The following PDE4D variants were observed in gnomAD, a reference collection of about 807,000 sequenced individuals.
PDE4D encodes the protein phosphodiesterase 4D, also known as 3',5'-cyclic-AMP phosphodiesterase 4D.
A neutral mutation model predicts 87.4 loss-of-function variants in PDE4D; 24 were observed. The observed-to-expected ratio is 0.27, with a 90% CI of 0.20 to 0.39. The LOEUF is 0.39. Ranked by LOEUF, PDE4D falls within the 10% of genes least tolerant of loss-of-function variation. The probability of loss-of-function intolerance (pLI) is 1.00; values close to 1 mark genes in which losing one functional copy is unlikely to be tolerated. For missense variants in PDE4D, 714 were observed against 1,041.0 expected (o/e 0.69, Z 4.32); for synonymous variants, 384 against 383.2 (o/e 1.00, Z -0.02).
intron 1 of PDE4D, among the ~76,000 whole-genome samples, chr5:59,502,710 GTAGTT>G (rs1582889477): frequency 1.7e-5 from 2 of 117,248 alleles, no homozygotes; most frequent in East Asian, 2.7e-4. Context: ...GTGTGTGTGT[GTAGTT>G]TGTTTTATCT....
At chr5:60,480,649 C>T (rs761906113) in intron 1 of PDE4D, among the ~76,000 whole-genome samples, 12 of 152,080 alleles carry the variant, frequency 7.9e-5, no homozygotes, top group Non-Finnish European at 1.3e-4. Context: ...ACTTTTGCAC[C>T]AACCTTTTGC....
intron 1 of PDE4D, among the ~76,000 whole-genome samples, chr5:59,281,573 AT>A (rs773490033): frequency 1.1e-4 from 16 of 152,172 alleles, no homozygotes; most frequent in Non-Finnish European, 1.9e-4. Context: ...ATCACGTAAA[AT>A]TGACATTTTA....
chr5:59,231,354 T>G (rs1755144995), intron 1 of PDE4D, among the ~76,000 whole-genome samples: 1 of 152,180 alleles, frequency 6.6e-6, no homozygotes, highest in East Asian at 1.9e-4. Context: ...GCAATTAGAT[T>G]TGGCCAAGTG....
In PDE4D at chr5:60,271,006, C is replaced by G. The variant is rs144671423; in HGVS notation, c.-89-85319G>C. Among the ~76,000 whole-genome samples, 351 of 152,256 alleles carry G rather than the reference C, an allele frequency of 2.3e-3. 2 individuals are homozygous for G. The highest frequency in any genetic ancestry group is 7.8e-3 in the African/African-American group (324 of 41,558). On this transcript the variant is annotated intron_variant, in intron 1 of 16. Coordinates refer to the PDE4D transcript ENST00000502484. ...AAAGATGCAGATAGTGGCCATCTAG[C>G]AGAGAGGAAGTTGATGTTCTCTTCA... is the stretch of plus-strand genomic sequence containing the variant.
intron 8 of PDE4D, among the ~76,000 whole-genome samples, 162 bp downstream of exon 8, chr5:58,991,670 C>G (rs1747946855): frequency 6.6e-6 from 1 of 151,160 alleles, no homozygotes; most frequent in Non-Finnish European, 1.5e-5. Flanking sequence ...CTGTCTAAGG[C>G]ACTTTAAAAG....
At chr5:59,404,915 A>G (rs1791356382) in intron 1 of PDE4D, among the ~76,000 whole-genome samples, 1 of 152,078 alleles carries the variant, frequency 6.6e-6, no homozygotes, top group South Asian at 2.1e-4. Context: ...GTCAAAAATG[A>G]GTTCACTGTA....
intron 1 of PDE4D, among the ~76,000 whole-genome samples, chr5:59,426,340 C>T (rs1283739979): frequency 6.6e-6 from 1 of 152,162 alleles, no homozygotes; most frequent in Non-Finnish European, 1.5e-5. Flanking sequence ...AGTGCATGAC[C>T]TTGTGATCGT....
intron 2 of PDE4D, chr5:60,022,803 C>A (rs145651938): frequency 6.6e-6 from 1 of 152,446 alleles, no homozygotes; most frequent in East Asian, 1.9e-4. Flanking sequence ...TTCTTAGGCT[C>A]CTCTTGTGTC....
At chr5:60,090,587 A>G (rs1160956317) in intron 2 of PDE4D, among the ~76,000 whole-genome samples, 1 of 152,202 alleles carries the variant, frequency 6.6e-6, no homozygotes, top group Non-Finnish European at 1.5e-5. Flanking sequence ...GAATGGGGAA[A>G]AATGGAAATT....
intron 1 of PDE4D, among the ~76,000 whole-genome samples, chr5:59,220,336 TCACTG>T (rs1392863830): frequency 1.2e-4 from 15 of 122,574 alleles, no homozygotes; most frequent in South Asian, 5.4e-4. Context: ...ACTGATCGTG[TCACTG>T]CACTCCAATC....
intron 1 of PDE4D, among the ~76,000 whole-genome samples, chr5:59,559,769 C>T (rs947620933): frequency 1.3e-5 from 2 of 152,134 alleles, no homozygotes; most frequent in Non-Finnish European, 2.9e-5. Flanking sequence ...CTTCTTACAG[C>T]ACTCAAAAAG....
chr5:59,949,313 T>G (rs928340531), intron 3 of PDE4D, among the ~76,000 whole-genome samples: 5 of 151,898 alleles, frequency 3.3e-5, no homozygotes, highest in African/African-American at 4.8e-5. Context: ...GAAGCCTGTA[T>G]TCCCAGCTAC....
chr5:59,943,858 C>T (rs1757443362), intron 3 of PDE4D, among the ~76,000 whole-genome samples: 1 of 152,130 alleles, frequency 6.6e-6, no homozygotes, highest in Non-Finnish European at 1.5e-5. Flanking sequence ...TAACAATAAC[C>T]GTGCAGTTAG....
At chr5:59,966,567 C>T (rs114815152) in intron 3 of PDE4D, among the ~76,000 whole-genome samples, 2 of 152,092 alleles carry the variant, frequency 1.3e-5, no homozygotes, top group Non-Finnish European at 2.9e-5. Flanking sequence ...TGAGGCTAAT[C>T]GAAGTAGTCA....
At chr5:60,175,387 G>T (rs1168376559) in intron 2 of PDE4D, among the ~76,000 whole-genome samples, 2 of 151,812 alleles carry the variant, frequency 1.3e-5, no homozygotes, top group Non-Finnish European at 2.9e-5. Flanking sequence ...TAAATTCCTT[G>T]TGTGATAATT....
chr5:60,458,033 A>C (rs555405927), intron 1 of PDE4D, among the ~76,000 whole-genome samples: 1 of 152,268 alleles, frequency 6.6e-6, no homozygotes, highest in South Asian at 2.1e-4. Flanking sequence ...GCTACTGGAC[A>C]GTTTCTATTT....
At chr5:59,025,609 CT>C (rs1756070834) in intron 6 of PDE4D, among the ~76,000 whole-genome samples, 1 of 152,186 alleles carries the variant, frequency 6.6e-6, no homozygotes, top group Admixed American at 6.5e-5. Context: ...AAGGAAAATA[CT>C]TTATAGATCT....
intron 1 of PDE4D, among the ~76,000 whole-genome samples, chr5:59,766,244 AG>A (rs1355527673): frequency 1.8e-4 from 28 of 152,312 alleles, no homozygotes. Flanking sequence ...CTTGCCTGAT[AG>A]TTTTAGTCCA....
At chr5:60,320,881 C>G (rs1413964695) in intron 1 of PDE4D, among the ~76,000 whole-genome samples, 1 of 151,982 alleles carries the variant, frequency 6.6e-6, no homozygotes, top group Non-Finnish European at 1.5e-5. Context: ...AATTACAAAA[C>G]AATGCTCAAA....
Sources: gnomAD v4.1 joint callset for allele counts (sites outside exome capture counted in the v4.1 genomes callset) on GRCh38, gnomAD v4.1.1 for gene constraint, MANE v1.5 for transcripts, NCBI Gene and HGNC (gene_info 2026-07-23, HGNC 2026-07-21) for gene names.